Variants in DOCK9 observed in about 807,000 individuals in gnomAD.
DOCK9 encodes dedicator of cytokinesis protein 9.
Under a neutral mutation model 263.3 loss-of-function variants are expected in DOCK9, and 89 were observed. That is an observed-to-expected ratio of 0.34 (90% confidence interval 0.28 to 0.40). The LOEUF is 0.40. Ranked by LOEUF, DOCK9 falls within the 10% of genes least tolerant of loss-of-function variation. The pLI is 1.00. For synonymous variants in DOCK9, 976 were observed against 973.1 expected, an observed-to-expected ratio of 1.00 and a Z score of -0.06; for missense variants, 2,140 against 2,603.4, an observed-to-expected ratio of 0.82 and a Z score of 3.87.
chr13:98,956,075 A>ATT (rs2058026884), intron 1 of DOCK9, among the ~76,000 whole-genome samples: 3 of 152,222 alleles, frequency 2.0e-5, no homozygotes, highest in Non-Finnish European at 4.4e-5. Context: ...TGTAATACCT[A>ATT]AAGGTAGAAA....
intron 1 of DOCK9, among the ~76,000 whole-genome samples, chr13:99,026,946 G>C (rs555451986): frequency 1.3e-5 from 2 of 151,758 alleles, no homozygotes; most frequent in African/African-American, 4.9e-5. Flanking sequence ...TGTGCTACAC[G>C]GGAATGAATT....
chr13:98,897,979 G>A (rs2047684988), intron 14 of DOCK9, among the ~76,000 whole-genome samples, 200 bp downstream of exon 14: 1 of 152,218 alleles, frequency 6.6e-6, no homozygotes, highest in Non-Finnish European at 1.5e-5. Context: ...CACCCTGCCA[G>A]TTCCAGGTAG....
chr13:98,822,161 T>C (rs1320361311), intron 45 of DOCK9, among the ~76,000 whole-genome samples: 2 of 152,210 alleles, frequency 1.3e-5, no homozygotes, highest in African/African-American at 4.8e-5. Flanking sequence ...TGGACCTTGT[T>C]AAAGATTTAC....
At chr13:99,050,563 G>C (rs140467037) in intron 1 of DOCK9, among the ~76,000 whole-genome samples, 2,021 of 152,194 alleles carry the variant, frequency 0.013, 25 homozygotes, top group South Asian at 0.047. Flanking sequence ...CGTGGTGGCG[G>C]GCGCCTGTAA....
intron 1 of DOCK9, among the ~76,000 whole-genome samples, chr13:98,990,633 C>A (rs1204265272): frequency 6.6e-6 from 1 of 152,192 alleles, no homozygotes; most frequent in Non-Finnish European, 1.5e-5. Flanking sequence ...GCTGGTGTGC[C>A]ACCTCCATGT....
chr13:98,956,308 C>T (rs914735069), intron 1 of DOCK9, among the ~76,000 whole-genome samples: 16 of 152,336 alleles, frequency 1.1e-4, no homozygotes, highest in African/African-American at 3.1e-4. Context: ...CTTTATCTAT[C>T]GCCAGTCACT....
In DOCK9 at chr13:98,930,228, G is replaced by A. The variant is rs1390634160; in HGVS notation, c.273C>T (p.Tyr91=). Residue 91 remains tyrosine, a synonymous_variant, in exon 3 of 53, where the codon TAC becomes TAT. Coordinates refer to ENST00000682017, the MANE Select transcript of DOCK9 (RefSeq NM_001366683.2). ...QTAILRRQGR[Y]ICSTVPAKAE... is the part of the protein sequence containing the mutation. ...CCTTCGCAGGCACTGTTGAGCATAT[G>A]TATCGACCCTGTCGTCTCAGGATGG... The A allele has an allele frequency of 1.9e-6, 3 of 1,611,808 alleles. No homozygotes were observed. The highest frequency in any genetic ancestry group is 2.2e-5 in the East Asian group (1 of 44,876).
rs190527200 is a variant in DOCK9, at chr13:98,885,413, G to C, written c.2260+295C>G. On this transcript the variant is annotated intron_variant, in intron 20 of 52. Coordinates refer to ENST00000682017, the MANE Select transcript of DOCK9 (RefSeq NM_001366683.2). ...GAGCTCACGAGTTCGAGACCAGCCTGGGCAACATGGCGAAATCCCGTCTCT... is the reference window on the plus strand; with the variant it reads ...GAGCTCACGAGTTCGAGACCAGCCTCGGCAACATGGCGAAATCCCGTCTCT... The C allele has an allele frequency of 2.1e-5, 11 of 532,192 alleles. No homozygotes were observed. In the East Asian group the frequency reaches 4.7e-4, roughly 23 times the overall value. The allele number at this position is 532,192 out of a possible 1,614,324, so 33.0% of individuals were successfully genotyped here.
intron 1 of DOCK9, among the ~76,000 whole-genome samples, chr13:98,966,769 A>C (rs185438284): frequency 3.5e-4 from 54 of 152,352 alleles, no homozygotes; most frequent in Non-Finnish European, 6.3e-4. Flanking sequence ...CAGTATAGAG[A>C]CCAGTAAAGG....
intron 1 of DOCK9, among the ~76,000 whole-genome samples, chr13:99,044,423 G>C (rs1318851869): frequency 6.6e-6 from 1 of 152,148 alleles, no homozygotes; most frequent in African/African-American, 2.4e-5. Flanking sequence ...GCTTCCTATA[G>C]CTGAAGTATT....
At chr13:99,001,782 G>A (rs908346090) in intron 1 of DOCK9, among the ~76,000 whole-genome samples, 33 of 152,212 alleles carry the variant, frequency 2.2e-4, no homozygotes, top group African/African-American at 7.5e-4. Context: ...TCAAGCGTCC[G>A]CATGCTCCCT....
intron 2 of DOCK9, among the ~76,000 whole-genome samples, chr13:98,938,174 G>T (rs1191078329): frequency 6.6e-6 from 1 of 152,250 alleles, no homozygotes; most frequent in Non-Finnish European, 1.5e-5. Context: ...ACTGAAGCTG[G>T]AGATTCTGAG....
intron 1 of DOCK9, among the ~76,000 whole-genome samples, chr13:98,987,377 G>A (rs1398875996): frequency 6.6e-6 from 1 of 152,150 alleles, no homozygotes; most frequent in African/African-American, 2.4e-5. Context: ...GAAAAGTGTG[G>A]TTAAAAAAGA....
At chr13:99,035,597 C>T (rs773618979) in intron 1 of DOCK9, among the ~76,000 whole-genome samples, 72 of 152,168 alleles carry the variant, frequency 4.7e-4, no homozygotes, top group Non-Finnish European at 5.7e-4. Context: ...GGCAGAGCAA[C>T]AAGATAGAAG....
chr13:98,908,510 A>T (rs2049468848), intron 9 of DOCK9, among the ~76,000 whole-genome samples: 2 of 152,374 alleles, frequency 1.3e-5, no homozygotes, highest in South Asian at 4.1e-4. Context: ...ACTGTGCAGT[A>T]GCAATAGTTG....
chr13:98,881,485 G>GA (rs2142711650), intron 25 of DOCK9, 73 bp downstream of exon 25: 5 of 1,267,526 alleles, frequency 3.9e-6, no homozygotes, highest in Non-Finnish European at 5.5e-6. Context: ...CCAGGCTTGT[G>GA]AAAAAATAAG....
chr13:98,829,953 T>C lies in DOCK9; in HGVS notation c.4636-197A>G, dbSNP rs1830002289. ...TTTAAGAATAATTACAGAAAGTGAT[T>C]CTGCTATCCTTAAAAAACACTGTTT... On this transcript the variant is annotated intron_variant, in intron 41 of 52. Coordinates refer to ENST00000682017, the MANE Select transcript of DOCK9 (RefSeq NM_001366683.2). This position sits in a 1 kb window ranked among gnomAD's most constrained non-coding sequence, Gnocchi z 4.1. Among the ~76,000 whole-genome samples the C allele has an allele frequency of 6.6e-6, 1 of 152,176 alleles. No individual in the cohort carries two copies. The highest frequency in any genetic ancestry group is 2.4e-5 in the African/African-American group (1 of 41,438).
intron 48 of DOCK9, among the ~76,000 whole-genome samples, chr13:98,805,670 T>C (rs1368517766): frequency 6.6e-6 from 1 of 152,242 alleles, no homozygotes; most frequent in Non-Finnish European, 1.5e-5. Context: ...CAGAATCTAA[T>C]CAACAATCAC....
chr13:98,867,468 G>A lies in DOCK9; in HGVS notation c.3243C>T (p.Asn1081=), dbSNP rs1594804343. The change falls in exon 30 of 53, where the codon AAC becomes AAT. Residue 1081 remains asparagine (N), a synonymous_variant. Transcript: ENST00000682017. Reference sequence around the variant, plus strand: ...TGCCTTTTCCAAATGGCATTGGTAAGTTCAACGGAATATAATGTTCATGGT... The same window carrying A: ...TGCCTTTTCCAAATGGCATTGGTAAATTCAACGGAATATAATGTTCATGGT... ...VCNHEHYIPL[N]LPMPFGKGRI... 6.2e-7 allele frequency: 1 copy of A among 1,612,682 alleles called. No homozygotes were observed. The highest frequency in any genetic ancestry group is 1.1e-5 in the South Asian group (1 of 90,862).
Sources: allele counts gnomAD v4.1 joint callset (sites outside exome capture counted in the v4.1 genomes callset), GRCh38; gene constraint gnomAD v4.1.1; non-coding constraint Gnocchi (gnomAD v3.1); transcripts MANE v1.5; gene names NCBI Gene and HGNC (gene_info 2026-07-23, HGNC 2026-07-21).